The following ARRB1 variants were observed in gnomAD, a reference collection of about 807,000 sequenced individuals.
ARRB1 encodes beta-arrestin-1.
ARRB1 carries 21 observed loss-of-function variants against 56.8 expected under a neutral mutation model. The ratio of observed to expected loss-of-function variants is 0.37; its 90% CI spans 0.26 to 0.53. The LOEUF (loss-of-function observed/expected upper bound fraction) is 0.53, where lower values mean the gene tolerates loss of function less well. ARRB1 is among the 20% of genes least tolerant of loss of function. The probability of loss-of-function intolerance (pLI) is 0.88; values close to 1 mark genes in which losing one functional copy is unlikely to be tolerated. For synonymous variants in ARRB1, 210 were observed against 218.6 expected (o/e 0.96, Z 0.35); for missense variants, 424 against 553.7 (o/e 0.77, Z 2.35).
chr11:75,302,858 C>T (rs1281055329), intron 1 of ARRB1, among the ~76,000 whole-genome samples: 1 of 152,106 alleles, frequency 6.6e-6, no homozygotes, highest in African/African-American at 2.4e-5. Context: ...CCAAGTGTCC[C>T]TCAGGTGAGA....
intron 1 of ARRB1, among the ~76,000 whole-genome samples, chr11:75,348,679 C>A (rs1246714691): frequency 1.3e-5 from 2 of 151,922 alleles, no homozygotes; most frequent in Non-Finnish European, 2.9e-5. Context: ...CTCACTGCAG[C>A]CTTAACCTCC....
intron 1 of ARRB1, among the ~76,000 whole-genome samples, chr11:75,304,717 TC>T (rs1453755733): frequency 6.6e-6 from 1 of 150,958 alleles, no homozygotes; most frequent in Admixed American, 6.6e-5. Context: ...CACATGTCAG[TC>T]CCCCCAAACC....
chr11:75,341,611 A>T (rs536314314), intron 1 of ARRB1, among the ~76,000 whole-genome samples: 1 of 152,124 alleles, frequency 6.6e-6, no homozygotes, highest in African/African-American at 2.4e-5. Flanking sequence ...CTGAATTCCA[A>T]ACTCCAAACC....
Position 75,274,118 on chromosome 11 carries a change from G to C in ARRB1, c.870C>G (p.Asp290Glu). 6.2e-7 allele frequency: 1 copy of C among 1,614,190 alleles called. No individual in the cohort carries two copies. The highest frequency in any genetic ancestry group is 8.5e-7 in the Non-Finnish European group (1 of 1,180,034). Residue 290 changes from aspartate to glutamate, a missense_variant, in exon 11 of 16, where the codon GAC (aspartate) becomes GAG (glutamate). Asp to Glu is a conservative substitution (Grantham distance 45). Coordinates refer to ENST00000420843, the MANE Select transcript of ARRB1 (RefSeq NM_004041.5). Reference protein sequence around the residue: ...NNREKRGLALDGKLKHEDTNL... With the variant: ...NNREKRGLALEGKLKHEDTNL... ...TCGTGTCTTCGTGCTTGAGCTTCCC[G>C]TCCAAGGCGAGGCCCCGCTTCTCTC...
intron 1 of ARRB1, chr11:75,306,508 G>C (rs1045383070): frequency 1.0e-6 from 1 of 960,846 alleles, no homozygotes; most frequent in Non-Finnish European, 1.5e-6. Flanking sequence ...ATCCCAGAAA[G>C]AGAGGAAAAG....
At chr11:75,268,627 T>C (rs1264373214) in intron 14 of ARRB1, among the ~76,000 whole-genome samples, 2 of 150,972 alleles carry the variant, frequency 1.3e-5, no homozygotes, top group African/African-American at 4.9e-5. Flanking sequence ...AGCCCATGCC[T>C]GGGTGCAAGA....
intron 9 of ARRB1, 53 bp from the exon 10 acceptor site, chr11:75,276,964 GA>G: frequency 6.3e-7 from 1 of 1,576,072 alleles, no homozygotes; most frequent in Non-Finnish European, 8.7e-7. Context: ...AGCTCCCATG[GA>G]GTCTCACAGG....
intron 1 of ARRB1, among the ~76,000 whole-genome samples, chr11:75,303,159 A>G (rs151236510): frequency 0.013 from 1,934 of 151,946 alleles, 35 homozygotes; most frequent in African/African-American, 0.042. Context: ...ACACCACCAC[A>G]CCCGGCTAAT....
chr11:75,305,141 G>A (rs762491284), intron 1 of ARRB1, among the ~76,000 whole-genome samples: 5 of 146,652 alleles, frequency 3.4e-5, no homozygotes, highest in Middle Eastern at 3.5e-3. Flanking sequence ...TGCAATTCTC[G>A]TGACTCAGCC....
At chr11:75,351,448 A>G (rs1947849997) in intron 1 of ARRB1, 140 bp downstream of exon 1, 1 of 1,304,356 alleles carries the variant, frequency 7.7e-7, no homozygotes, top group Admixed American at 2.6e-5. Context: ...ACCACACAGG[A>G]GACCTCGGGT....
At position 75,264,363 on chromosome 11, in the gene ARRB1, TGAG is replaced by T. The variant is rs1420593643; in HGVS notation, c.*1797_*1799del. 1 of 152,246 alleles carries T rather than the reference TGAG, an allele frequency of 6.6e-6. No individual in the cohort carries two copies. The highest frequency in any genetic ancestry group is 1.5e-5 in the Non-Finnish European group (1 of 68,074). The allele number at this position is 152,246 out of a possible 1,614,324, so 9.4% of individuals were successfully genotyped here. On this transcript the variant is annotated 3_prime_UTR_variant, in exon 16 of 16. Coordinates refer to ENST00000420843, the MANE Select transcript of ARRB1 (RefSeq NM_004041.5). ...GAGAGAGATGGAAGGGAGCAGAAAC[TGAG>T]GAGAGAGCCCTTGTCCTGCTAATCA... is the stretch of plus-strand genomic sequence containing the variant.
intron 1 of ARRB1, among the ~76,000 whole-genome samples, chr11:75,316,044 C>G (rs1179239369): frequency 6.6e-6 from 1 of 152,142 alleles, no homozygotes; most frequent in Non-Finnish European, 1.5e-5. Context: ...AAGCTGGTTA[C>G]AGGTGGGGTG....
chr11:75,271,690 G>A lies in ARRB1; in HGVS notation c.1022+11C>T. ...GAAGGTGGGTGAACCAGGTGGAAGGGAGGAATTTACCTGGATGCAAGATCT... is the reference window on the plus strand; with the variant it reads ...GAAGGTGGGTGAACCAGGTGGAAGGAAGGAATTTACCTGGATGCAAGATCT... On this transcript the variant is annotated intron_variant, in intron 13 of 15. Coordinates refer to ENST00000420843, the MANE Select transcript of ARRB1 (RefSeq NM_004041.5). 6.4e-7 allele frequency: 1 copy of A among 1,564,814 alleles called. No homozygotes were observed. The highest frequency in any genetic ancestry group is 1.2e-5 in the South Asian group (1 of 84,418).
Position 75,268,622 on chromosome 11 carries a change from A to G in ARRB1, c.1093+267T>C, listed in dbSNP as rs77891894. Among the ~76,000 whole-genome samples the G allele has an allele frequency of 2.5e-3, 381 of 151,690 alleles. 2 individuals are homozygous for G. The highest frequency in any genetic ancestry group is 9.0e-3 in the African/African-American group (373 of 41,334). ...CCTACTTCCAAACGGGATCCAGCCCATGCCTGGGTGCAAGATAGAGGCTCA... is the reference window on the plus strand; with the variant it reads ...CCTACTTCCAAACGGGATCCAGCCCGTGCCTGGGTGCAAGATAGAGGCTCA... On this transcript the variant is annotated intron_variant, in intron 14 of 15. Transcript: ENST00000420843.
chr11:75,312,157 C>G (rs1299055298), intron 1 of ARRB1: 2 of 1,288,932 alleles, frequency 1.6e-6, no homozygotes, highest in Non-Finnish European at 2.0e-6. Context: ...TTCCTCCACC[C>G]TCGCCCTCCC....
At chr11:75,347,896 C>T (rs1005609079) in intron 1 of ARRB1, among the ~76,000 whole-genome samples, 1 of 152,208 alleles carries the variant, frequency 6.6e-6, no homozygotes, top group African/African-American at 2.4e-5. Context: ...ACTCTATCCT[C>T]TCTGCAGCCT....
chr11:75,262,313 A>T lies in ARRB1; in HGVS notation c.*3850T>A, dbSNP rs926668474. 1 of 152,202 alleles carries T rather than the reference A, an allele frequency of 6.6e-6. No homozygotes were observed. The highest frequency in any genetic ancestry group is 2.4e-5 in the African/African-American group (1 of 41,412). The allele number at this position is 152,202 out of a possible 1,614,324, so 9.4% of individuals were successfully genotyped here. A position where few individuals can be genotyped will look rare whatever the true frequency, so the allele number is the denominator to read the frequency against. ...GACACCAGGCCTAGGAGGGTCCAAG[A>T]TGTCCCCCTCCACCAATCACTGACA... On this transcript the variant is annotated 3_prime_UTR_variant, in exon 16 of 16. Coordinates refer to ENST00000420843, the MANE Select transcript of ARRB1 (RefSeq NM_004041.5).
chr11:75,305,112 C>T (rs1268773228), intron 1 of ARRB1, among the ~76,000 whole-genome samples: 4 of 145,178 alleles, frequency 2.8e-5, no homozygotes, highest in Non-Finnish European at 1.5e-5. Context: ...CTCACTGCAA[C>T]CTCCACCTCC....
At chr11:75,332,005 A>G (rs541760381) in intron 1 of ARRB1, among the ~76,000 whole-genome samples, 2 of 151,554 alleles carry the variant, frequency 1.3e-5, no homozygotes, top group Non-Finnish European at 1.5e-5. Flanking sequence ...CTCCTGGACA[A>G]TAAGTCTCCG....
Sources: gnomAD v4.1 joint callset for allele counts (sites outside exome capture counted in the v4.1 genomes callset) on GRCh38, gnomAD v4.1.1 for gene constraint, MANE v1.5 for transcripts, NCBI Gene and HGNC (gene_info 2026-07-23, HGNC 2026-07-21) for gene names.